The following SARDH variants were observed in gnomAD, a reference collection of about 807,000 sequenced individuals.
SARDH encodes the protein sarcosine dehydrogenase, also known as sarcosine dehydrogenase, mitochondrial.
SARDH carries 95 observed loss-of-function variants against 109.1 expected under a neutral mutation model. The ratio of observed to expected loss-of-function variants is 0.87; its 90% confidence interval spans 0.74 to 1.03. The LOEUF is 1.03. Among genes scored for constraint, SARDH ranks in the 50% least tolerant of loss-of-function variants. The pLI, the probability that SARDH is intolerant of heterozygous loss-of-function variation, is 0.00. For missense variants in SARDH, 1,267 were observed against 1,287.8 expected (o/e 0.98, Z 0.25); for synonymous variants, 572 against 534.8 (o/e 1.07, Z -0.96).
rs991283091 is a variant in SARDH, at chr9:133,692,858, C to T, written c.1921+1400G>A. 3.3e-5 allele frequency among the ~76,000 whole-genome samples: 5 copies of T among 152,278 alleles called. No homozygotes were observed. The highest frequency in any genetic ancestry group is 2.4e-5 in the African/African-American group (1 of 41,568). ...GCTCCCTCAGCCTCCACGTCGCCAACGGCAGGAGGGAAGGGGTGGGCGAGC... is the reference window on the plus strand; with the variant it reads ...GCTCCCTCAGCCTCCACGTCGCCAATGGCAGGAGGGAAGGGGTGGGCGAGC... On this transcript the variant is annotated intron_variant, in intron 15 of 20. Coordinates refer to ENST00000439388, the MANE Select transcript of SARDH (RefSeq NM_001134707.2). The surrounding 1 kb of genome is among the most constrained non-coding windows in gnomAD (Gnocchi z 5.0).
chr9:133,671,412 AAAG>A, intron 18 of SARDH, 120 bp downstream of exon 18: 1 of 1,275,074 alleles, frequency 7.8e-7, no homozygotes, highest in Non-Finnish European at 1.1e-6. Flanking sequence ...CATGGTGTGG[AAAG>A]AAGGAAGCCG....
At chr9:133,680,805 C>T (rs1157881493) in intron 17 of SARDH, among the ~76,000 whole-genome samples, 1 of 150,180 alleles carries the variant, frequency 6.7e-6, no homozygotes, top group African/African-American at 2.5e-5. Context: ...GCCGCCAGGC[C>T]CACACTGGCC....
At chr9:133,677,451 G>A (rs948894399) in intron 17 of SARDH, among the ~76,000 whole-genome samples, 2 of 152,146 alleles carry the variant, frequency 1.3e-5, no homozygotes, top group African/African-American at 4.8e-5. Context: ...TGGCCAGGTG[G>A]GGGTCAAGCT....
intron 14 of SARDH, among the ~76,000 whole-genome samples, 161 bp downstream of exon 14, chr9:133,696,062 G>T (rs565583270): frequency 6.8e-4 from 40 of 58,816 alleles, no homozygotes; most frequent in East Asian, 2.5e-3. Flanking sequence ...CTGGGATGGG[G>T]CAAAGGGGGC....
rs763085726 is a variant in SARDH at position 133,702,911 on chromosome 9, C to T, written c.1668+5G>A. 27 of 1,609,830 alleles carry T rather than the reference C, an allele frequency of 1.7e-5. 1 individual carries two copies. The Middle Eastern group carries it at 4.9e-4, about 29-fold the overall frequency. ...GGACCCCCACGGTGGACCCCAGCTA[C>T]GCACCGTGTCGTGGTGGGGCGGGAA... On this transcript the variant is annotated splice_donor_5th_base_variant and intron_variant, in intron 13 of 20. Coordinates refer to ENST00000439388, the MANE Select transcript of SARDH (RefSeq NM_001134707.2).
In SARDH at chr9:133,717,333, G is replaced by T; in HGVS notation, c.1143C>A (p.Cys381Ter). 6.2e-7 allele frequency: 1 copy of T among 1,613,890 alleles called. No individual in the cohort carries two copies. Among genetic ancestry groups the T allele is most frequent in the Non-Finnish European group, 8.5e-7 (1 of 1,179,890 alleles). ...LEKTGIKSTV[C>*]GPESFTPDHK... The stretch of plus-strand genomic sequence containing the variant: ...TCCGAGGCTGTCACTCACCAGGGCC[G>T]CAGACCGTGGACTTGATTCCTGTCT... Residue 381 changes from cysteine (C) to a stop codon, truncating the protein, a stop_gained, in exon 8 of 21, where the codon TGC becomes TGA. Coordinates refer to ENST00000439388, the MANE Select transcript of SARDH (RefSeq NM_001134707.2). LOFTEE classifies it high-confidence loss of function.
At chr9:133,691,736 C>G (rs1319618533) in intron 15 of SARDH, among the ~76,000 whole-genome samples, 2 of 152,216 alleles carry the variant, frequency 1.3e-5, no homozygotes, top group African/African-American at 4.8e-5. Flanking sequence ...AGGTAGCGCA[C>G]GTATTCAACA....
At chr9:133,670,328 CAAAA>C (rs5901026) in intron 19 of SARDH, among the ~76,000 whole-genome samples, 3 of 103,260 alleles carry the variant, frequency 2.9e-5, no homozygotes, top group African/African-American at 7.3e-5. Flanking sequence ...GACTCCGTCT[CAAAA>C]AAAAAAAAAA....
At chr9:133,670,008 C>T (rs573788456) in intron 19 of SARDH, among the ~76,000 whole-genome samples, 1 of 152,346 alleles carries the variant, frequency 6.6e-6, no homozygotes, top group African/African-American at 2.4e-5. Context: ...CTGGGAGGGG[C>T]CCCAGGTGCG....
intron 6 of SARDH, 49 bp from the exon 7 acceptor site, chr9:133,719,091 A>G: frequency 6.5e-7 from 1 of 1,535,618 alleles, no homozygotes; most frequent in South Asian, 1.1e-5. Context: ...CTGGGTGGGG[A>G]CTTGGTTCCC....
Position 133,704,878 on chromosome 9 carries a change from G to GCA in SARDH, c.1554+68_1554+69dup. 2 of 1,339,114 alleles carry GCA rather than the reference G, an allele frequency of 1.5e-6. No homozygotes were observed. The highest frequency in any genetic ancestry group is 1.0e-6 in the Non-Finnish European group (1 of 957,864). 83.0% of individuals were successfully genotyped at this position (1,339,114 alleles called of 1,614,324 possible). ...GGGCACACGGAGGGGCAAGGACGGG[G>GCA]CACGTGGAGGGGCAAGGGGGTTGTC... is the stretch of plus-strand genomic sequence containing the variant. On this transcript the variant is annotated intron_variant, in intron 12 of 20. Coordinates refer to ENST00000439388, the MANE Select transcript of SARDH (RefSeq NM_001134707.2). The surrounding 1 kb of genome is among the most constrained non-coding windows in gnomAD (Gnocchi z 4.5).
At position 133,718,502 on chromosome 9, in the gene SARDH, T is replaced by C. The variant is rs1564287745; in HGVS notation, c.1020+436A>G. On this transcript the variant is annotated intron_variant, in intron 7 of 20. Coordinates refer to ENST00000439388, the MANE Select transcript of SARDH (RefSeq NM_001134707.2). This position sits in a 1 kb window ranked among gnomAD's most constrained non-coding sequence, Gnocchi z 4.2. ...CCAAAGTAGCCACTCAGTCGTTCCA[T>C]GTGTGGACTAAATGCATATACACAT... 3.5e-6 allele frequency: 2 copies of C among 563,794 alleles called. No individual in the cohort carries two copies. Among genetic ancestry groups the C allele is most frequent in the Non-Finnish European group, 6.3e-6 (2 of 316,318 alleles). The allele number at this position is 563,794 out of a possible 1,614,324, so 34.9% of individuals were successfully genotyped here.
At position 133,712,604 on chromosome 9, in the gene SARDH, C is replaced by A; in HGVS notation, c.1328+15G>T. 6.2e-7 allele frequency: 1 copy of A among 1,603,518 alleles called. No homozygotes were observed. Among genetic ancestry groups the A allele is most frequent in the Non-Finnish European group, 8.5e-7 (1 of 1,178,252 alleles). On this transcript the variant is annotated intron_variant, in intron 10 of 20. Coordinates refer to ENST00000439388, the MANE Select transcript of SARDH (RefSeq NM_001134707.2). The surrounding 1 kb of genome is among the most constrained non-coding windows in gnomAD (Gnocchi z 4.1). The stretch of plus-strand genomic sequence containing the variant: ...GAGTGGCGGGCCCTGCCCTTAGGTC[C>A]CAATGGGCACTTACCTGATGTCATA...
rs1164338260 is a variant in SARDH at position 133,694,260 on chromosome 9, T to C, written c.1919A>G (p.Glu640Gly). Reference sequence around the variant, plus strand: ...GTGTGCACAGAGGCATCCCATACCTTCAAAGGCGGGGGCCAGCGGGGAGGC... The same window carrying C: ...GTGTGCACAGAGGCATCCCATACCTCCAAAGGCGGGGGCCAGCGGGGAGGC... ...HQASPLAPAF[E>G]GDGYYLAMGG... The change falls in exon 15 of 21, where the codon GAA becomes GGA. Residue 640 changes from glutamate to glycine, a missense_variant and splice_region_variant. Transcript: ENST00000439388. The C allele has an allele frequency of 8.4e-6, 13 of 1,547,366 alleles. No individual in the cohort carries two copies. Among genetic ancestry groups the C allele is most frequent in the Non-Finnish European group, 1.0e-5 (12 of 1,144,814 alleles).
At chr9:133,677,215 T>C (rs129938) in intron 17 of SARDH, among the ~76,000 whole-genome samples, 17,904 of 152,132 alleles carry the variant, frequency 0.12, 1,328 homozygotes, top group African/African-American at 0.21. Context: ...GCTAATCTAC[T>C]GTAGAACAGT....
At chr9:133,690,605 TC>T in intron 15 of SARDH, 78 bp from the exon 16 acceptor site, 1 of 1,508,778 alleles carries the variant, frequency 6.6e-7, no homozygotes, top group African/African-American at 1.4e-5. Flanking sequence ...CCCAAGGGTC[TC>T]CCGGCTGAGA....
At position 133,732,404 on chromosome 9, in the gene SARDH, C is replaced by T; in HGVS notation, c.510+19G>A. ...CCCACCCAAGCCCCCCTCCTTGCCC[C>T]CCGCAGGGGAGCACACACCGACATG... On this transcript the variant is annotated intron_variant, in intron 3 of 20. Transcript: ENST00000439388. 1 of 1,602,974 alleles carries T rather than the reference C, an allele frequency of 6.2e-7. No homozygotes were observed. Among genetic ancestry groups the T allele is most frequent in the Non-Finnish European group, 8.5e-7 (1 of 1,173,294 alleles).
intron 17 of SARDH, among the ~76,000 whole-genome samples, chr9:133,677,341 G>T (rs563891907): frequency 6.6e-6 from 1 of 152,122 alleles, no homozygotes; most frequent in African/African-American, 2.4e-5. Flanking sequence ...AGCTTATTAC[G>T]CACGATTCTT....
Position 133,704,869 on chromosome 9 carries a change from A to C in SARDH, c.1554+79T>G. 7.9e-7 allele frequency: 1 copy of C among 1,267,650 alleles called. No homozygotes were observed. Among genetic ancestry groups the C allele is most frequent in the Admixed American group, 2.0e-5 (1 of 49,856 alleles). The allele number at this position is 1,267,650 out of a possible 1,614,324, so 78.5% of individuals were successfully genotyped here. A position where few individuals can be genotyped will look rare whatever the true frequency, so the allele number is the denominator to read the frequency against. On this transcript the variant is annotated intron_variant, in intron 12 of 20. Transcript: ENST00000439388. This position sits in a 1 kb window ranked among gnomAD's most constrained non-coding sequence, Gnocchi z 4.5. ...GGGGAGGCGGGGCACACGGAGGGGC[A>C]AGGACGGGGCACGTGGAGGGGCAAG...
Sources: allele counts gnomAD v4.1 joint callset (sites outside exome capture counted in the v4.1 genomes callset), GRCh38; gene constraint gnomAD v4.1.1; non-coding constraint Gnocchi (gnomAD v3.1); transcripts MANE v1.5; gene names NCBI Gene and HGNC (gene_info 2026-07-23, HGNC 2026-07-21).